MLLT10: variants seen among roughly 807,000 people sequenced by gnomAD.
The protein encoded by MLLT10 is MLLT10 histone lysine methyltransferase DOT1L cofactor, also known as protein AF-10.
MLLT10 carries 30 observed loss-of-function variants against 129.1 expected under a neutral mutation model. The ratio of observed to expected loss-of-function variants is 0.23; its 90% CI spans 0.17 to 0.32. The LOEUF (loss-of-function observed/expected upper bound fraction) is 0.32, where lower values mean the gene tolerates loss of function less well. MLLT10 is among the 10% of genes least tolerant of loss of function. The pLI is 1.00. For missense variants in MLLT10, 1,119 were observed against 1,268.3 expected (o/e 0.88, Z 1.79); for synonymous variants, 490 against 446.4 (o/e 1.10, Z -1.23).
chr10:21,637,808 G>T (rs2047598610), intron 8 of MLLT10, among the ~76,000 whole-genome samples: 3 of 152,206 alleles, frequency 2.0e-5, no homozygotes, highest in Non-Finnish European at 4.4e-5. Flanking sequence ...TACCATCAGT[G>T]TGTAGTGGAT....
At chr10:21,627,875 A>G (rs1422521813) in intron 8 of MLLT10, among the ~76,000 whole-genome samples, 3 of 152,148 alleles carry the variant, frequency 2.0e-5, no homozygotes, top group African/African-American at 7.2e-5. Flanking sequence ...TGCATCTTCC[A>G]CCGAATACCT....
chr10:21,626,268 C>G lies in MLLT10; in HGVS notation c.699+9061C>G, dbSNP rs1020853777. ...GCATCAATTGCTCTTTCATCAAGAT[C>G]GATACAAGCTATCAATCCAGGGCAG... On this transcript the variant is annotated intron_variant, in intron 8 of 22. Transcript: ENST00000307729. 36 of 1,472,072 alleles carry G rather than the reference C, an allele frequency of 2.4e-5. No homozygotes were observed. In the South Asian group the frequency reaches 3.7e-4, roughly 15 times the overall value. 91.2% of individuals were successfully genotyped at this position (1,472,072 alleles called of 1,614,324 possible).
chr10:21,602,739 T>G (rs939646309), intron 5 of MLLT10, among the ~76,000 whole-genome samples: 1 of 152,120 alleles, frequency 6.6e-6, no homozygotes. Flanking sequence ...AACTCTTTTT[T>G]TTTTTTTGAG....
intron 8 of MLLT10, among the ~76,000 whole-genome samples, chr10:21,623,340 T>C (rs1008514763): frequency 1.3e-5 from 2 of 152,200 alleles, no homozygotes; most frequent in Non-Finnish European, 2.9e-5. Context: ...ATTTACCTTA[T>C]TAGTGTAAAC....
chr10:21,573,459 A>G (rs897810570), intron 3 of MLLT10, among the ~76,000 whole-genome samples: 6 of 152,200 alleles, frequency 3.9e-5, no homozygotes, highest in Non-Finnish European at 7.3e-5. Flanking sequence ...TGTGTCATGA[A>G]TGGATATTGA....
intron 3 of MLLT10, among the ~76,000 whole-genome samples, chr10:21,546,168 C>T (rs750293545): frequency 1.1e-4 from 17 of 151,314 alleles, no homozygotes; most frequent in Non-Finnish European, 1.9e-4. Context: ...ACCTCTGCCT[C>T]CTGGGTTCCA....
At chr10:21,736,547 C>A (rs1347232239) in intron 21 of MLLT10, among the ~76,000 whole-genome samples, 1 of 152,184 alleles carries the variant, frequency 6.6e-6, no homozygotes, top group Non-Finnish European at 1.5e-5. Flanking sequence ...TTCCAAAGTG[C>A]TGGAATTACA....
At chr10:21,712,659 C>T (rs1223206422) in intron 13 of MLLT10, among the ~76,000 whole-genome samples, 1 of 152,186 alleles carries the variant, frequency 6.6e-6, no homozygotes. Context: ...ACTATTAACA[C>T]TATGGGCCAG....
In MLLT10 at chr10:21,740,142, A is replaced by G; in HGVS notation, c.3068A>G (p.Asn1023Ser). The change falls in exon 22 of 23, where the codon AAC (asparagine) becomes AGC (serine). Residue 1023 changes from asparagine (N) to serine (S), a missense_variant. Around this residue, in one of 5 missense-constraint regions of MLLT10, gnomAD observed 1,004 missense variants for 1,008.7 expected, o/e 1.00. Transcript: ENST00000307729. ...IPGPTQIPIN[N>S]LLAGTQAPPL... ...GGACCAACACAAATACCCATAAACAACCTTCTTGCAGGTACACAGGCACCC... is the reference window on the plus strand; with the variant it reads ...GGACCAACACAAATACCCATAAACAGCCTTCTTGCAGGTACACAGGCACCC... The G allele has an allele frequency of 6.2e-7, 1 of 1,614,020 alleles. No individual in the cohort carries two copies. Among genetic ancestry groups the G allele is most frequent in the Non-Finnish European group, 8.5e-7 (1 of 1,180,026 alleles).
chr10:21,716,049 A>AGTTC (rs2056529364), intron 14 of MLLT10, among the ~76,000 whole-genome samples: 1 of 152,242 alleles, frequency 6.6e-6, no homozygotes, highest in African/African-American at 2.4e-5. Context: ...CTCTCAGTTG[A>AGTTC]ACTGAGTGCT....
At chr10:21,534,032 C>G (rs1273647119), upstream of MLLT10, 1 of 161,654 alleles carries the variant, frequency 6.2e-6, no homozygotes, top group Admixed American at 6.4e-5. Flanking sequence ...GTGCGCGCCC[C>G]CGCGCCCGTT....
At chr10:21,666,286 T>C (rs1325827033) in intron 9 of MLLT10, among the ~76,000 whole-genome samples, 1 of 152,186 alleles carries the variant, frequency 6.6e-6, no homozygotes, top group East Asian at 1.9e-4. Context: ...TTTTGTGCTA[T>C]TTTTATCACT....
Position 21,670,627 on chromosome 10 carries a change from C to T in MLLT10, c.974C>T (p.Ser325Leu). The change falls in exon 10 of 23, where the codon TCA (serine) becomes TTA (leucine). Residue 325 changes from serine to leucine, a missense_variant. Coordinates refer to ENST00000307729, the MANE Select transcript of MLLT10 (RefSeq NM_001195626.3). ...GGGAAGAAATCTTCAGCTCACAGCTCAGGTCAAAGGGGAAGAAAGCCTGGT... is the reference window on the plus strand; with the variant it reads ...GGGAAGAAATCTTCAGCTCACAGCTTAGGTCAAAGGGGAAGAAAGCCTGGT... ...GKGKKSSAHS[S>L]GQRGRKPGGG... 1 of 1,614,168 alleles carries T rather than the reference C, an allele frequency of 6.2e-7. No homozygotes were observed. Among genetic ancestry groups the T allele is most frequent in the Non-Finnish European group, 8.5e-7 (1 of 1,180,022 alleles).
intron 8 of MLLT10, among the ~76,000 whole-genome samples, chr10:21,639,116 C>CAAGAATAT (rs1345115693): frequency 3.9e-5 from 6 of 152,230 alleles, no homozygotes; most frequent in African/African-American, 1.2e-4. Flanking sequence ...TATATTCTCT[C>CAAGAATAT]ATCACCAAAC....
At chr10:21,540,839 T>G (rs2035022522) in intron 3 of MLLT10, among the ~76,000 whole-genome samples, 1 of 152,190 alleles carries the variant, frequency 6.6e-6, no homozygotes, top group African/African-American at 2.4e-5. Flanking sequence ...CAGAAGCTTT[T>G]GTGTTTGCCT....
At chr10:21,696,698 T>C (rs1287370633) in intron 13 of MLLT10, among the ~76,000 whole-genome samples, 1 of 152,212 alleles carries the variant, frequency 6.6e-6, no homozygotes, top group Admixed American at 6.5e-5. Context: ...TTCTGGTGGC[T>C]TCCCTTTATC....
rs2053640249 is a variant in MLLT10, at chr10:21,689,591, CGT to C, written c.1699+7341_1699+7342del. Among the ~76,000 whole-genome samples the C allele has an allele frequency of 3.6e-5, 3 of 82,742 alleles. 1 individual carries two copies. In the Admixed American group the frequency reaches 3.7e-4, roughly 10 times the overall value. The allele number at this position is 82,742 out of a possible 152,430, so 54.3% of individuals were successfully genotyped here. A position where few individuals can be genotyped will look rare whatever the true frequency, so the allele number is the denominator to read the frequency against. ...TATATATATATATATATATATATAGCGTGTGTGTTTTATATATATATATATAT... is the reference window on the plus strand; with the variant it reads ...TATATATATATATATATATATATAGCGTGTGTTTTATATATATATATATAT... On this transcript the variant is annotated intron_variant, in intron 13 of 22. Coordinates refer to ENST00000307729, the MANE Select transcript of MLLT10 (RefSeq NM_001195626.3).
intron 4 of MLLT10, among the ~76,000 whole-genome samples, chr10:21,590,621 G>A (rs1431468780): frequency 1.3e-5 from 2 of 152,248 alleles, no homozygotes; most frequent in Admixed American, 6.5e-5. Flanking sequence ...TTACAGGCGG[G>A]AGCCACCACA....
Position 21,733,944 on chromosome 10 carries a change from C to T in MLLT10, c.2673C>T (p.Ala891=), listed in dbSNP as rs201721791. Residue 891 remains alanine (A), a synonymous_variant, in exon 20 of 23, where the codon GCC becomes GCT. Transcript: ENST00000307729. ...AGCCTGTAACTTCCACCATTCCTGC[C>T]GTGTCTGCAGTGGGTGGAATAATTG... The part of the protein sequence containing the change: ...GMQPVTSTIP[A]VSAVGGIIGA... 5.5e-5 allele frequency: 89 copies of T among 1,614,052 alleles called. No homozygotes were observed. Among genetic ancestry groups the T allele is most frequent in the Non-Finnish European group, 6.8e-5 (80 of 1,180,052 alleles).
Sources: gnomAD v4.1 joint callset for allele counts (sites outside exome capture counted in the v4.1 genomes callset) on GRCh38, gnomAD v4.1.1 for gene constraint, gnomAD v4.1.1 regional missense constraint, MANE v1.5 for transcripts, NCBI Gene and HGNC (gene_info 2026-07-23, HGNC 2026-07-21) for gene names.